The following ASTN2 variants were observed in gnomAD, a reference collection of about 807,000 sequenced individuals.
ASTN2 encodes astrotactin-2.
A neutral mutation model predicts 139.8 loss-of-function variants in ASTN2; 54 were observed. The observed-to-expected ratio is 0.39, with a 90% CI of 0.31 to 0.48. ASTN2 has a LOEUF of 0.48. ASTN2 is among the 20% of genes least tolerant of loss of function. ASTN2 has a pLI of 0.95. For missense variants in ASTN2, 1,565 were observed against 1,725.1 expected (o/e 0.91, Z 1.64); for synonymous variants, 756 against 719.5 (o/e 1.05, Z -0.81).
chr9:117,064,828 A>G (rs944817357), intron 5 of ASTN2, among the ~76,000 whole-genome samples: 1 of 151,534 alleles, frequency 6.6e-6, no homozygotes, highest in South Asian at 2.1e-4. Flanking sequence ...TTTTTGAGCT[A>G]CTCTCAAGCA....
At chr9:116,608,623 A>G (rs1855343969) in intron 19 of ASTN2, among the ~76,000 whole-genome samples, 1 of 152,214 alleles carries the variant, frequency 6.6e-6, no homozygotes, top group Admixed American at 6.5e-5. Context: ...TGAACAAAAG[A>G]GTTTGAACAA....
At chr9:117,300,633 T>C (rs1417476187) in intron 1 of ASTN2, among the ~76,000 whole-genome samples, 1 of 152,196 alleles carries the variant, frequency 6.6e-6, no homozygotes, top group Non-Finnish European at 1.5e-5. Context: ...GTCTATAATC[T>C]GGACATTTCA....
intron 1 of ASTN2, among the ~76,000 whole-genome samples, chr9:117,365,900 C>G (rs1166747337): frequency 2.0e-5 from 3 of 152,176 alleles, no homozygotes; most frequent in African/African-American, 7.2e-5. Flanking sequence ...AGGTGATGCT[C>G]TATGAGCTCC....
chr9:116,907,304 A>T (rs1834188499), intron 10 of ASTN2, among the ~76,000 whole-genome samples: 1 of 152,222 alleles, frequency 6.6e-6, no homozygotes, highest in Non-Finnish European at 1.5e-5. Flanking sequence ...ACTGCAGCTT[A>T]GAAGCCTGTG....
rs772499854 is a variant in ASTN2 at position 117,226,550 on chromosome 9, G to T, written c.631-11808C>A. Among the ~76,000 whole-genome samples, 62 of 152,280 alleles carry T rather than the reference G, an allele frequency of 4.1e-4. 1 individual carries two copies. The highest frequency in any genetic ancestry group is 6.9e-4 in the Non-Finnish European group (47 of 68,012). Reference sequence around the variant, plus strand: ...AGTCCTTACCTTACCCCCTTATAAAGTAAAAGAAGTTTGCAGAAAGCTCAC... The same window carrying T: ...AGTCCTTACCTTACCCCCTTATAAATTAAAAGAAGTTTGCAGAAAGCTCAC... On this transcript the variant is annotated intron_variant, in intron 2 of 22. Transcript: ENST00000313400.
intron 13 of ASTN2, among the ~76,000 whole-genome samples, chr9:116,750,615 C>T (rs1829373100): frequency 6.6e-6 from 1 of 151,986 alleles, no homozygotes; most frequent in Non-Finnish European, 1.5e-5. Flanking sequence ...AAGAAAACAC[C>T]CAAAGGCAGT....
At chr9:117,130,963 G>A (rs939693206) in intron 4 of ASTN2, among the ~76,000 whole-genome samples, 38 of 152,230 alleles carry the variant, frequency 2.5e-4, no homozygotes, top group African/African-American at 9.2e-4. Flanking sequence ...TCCTCACTAT[G>A]TTTAATCATG....
At chr9:116,871,681 T>C (rs1296951286) in intron 10 of ASTN2, among the ~76,000 whole-genome samples, 2 of 152,272 alleles carry the variant, frequency 1.3e-5, no homozygotes, top group African/African-American at 2.4e-5. Flanking sequence ...TTCCATTATA[T>C]AGATATTCCA....
At chr9:116,935,139 C>T (rs938440335) in intron 10 of ASTN2, among the ~76,000 whole-genome samples, 1 of 152,160 alleles carries the variant, frequency 6.6e-6, no homozygotes, top group African/African-American at 2.4e-5. Flanking sequence ...CATGTCTGTG[C>T]TGGTTGAACA....
chr9:117,110,003 A>T (rs1469050054), intron 4 of ASTN2, among the ~76,000 whole-genome samples: 1 of 152,172 alleles, frequency 6.6e-6, no homozygotes, highest in African/African-American at 2.4e-5. Flanking sequence ...TCTCTGAAAT[A>T]CGCCTATTTC....
At chr9:116,854,215 C>T (rs899013773) in intron 11 of ASTN2, among the ~76,000 whole-genome samples, 1 of 152,130 alleles carries the variant, frequency 6.6e-6, no homozygotes, top group Non-Finnish European at 1.5e-5. Context: ...ACAATTTTAG[C>T]TCTCATCATT....
intron 2 of ASTN2, among the ~76,000 whole-genome samples, chr9:117,223,655 A>G (rs2133041755): frequency 6.6e-6 from 1 of 152,326 alleles, no homozygotes; most frequent in Middle Eastern, 3.4e-3. Context: ...GAAGAGATAC[A>G]TTTACATGTG....
intron 2 of ASTN2, among the ~76,000 whole-genome samples, chr9:117,235,485 A>G (rs969315244): frequency 1.3e-5 from 2 of 152,218 alleles, no homozygotes; most frequent in East Asian, 3.8e-4. Flanking sequence ...TAAGACTCAG[A>G]AAATCATCCT....
intron 3 of ASTN2, among the ~76,000 whole-genome samples, chr9:117,206,366 C>T (rs553675292): frequency 2.0e-5 from 3 of 152,266 alleles, no homozygotes; most frequent in Admixed American, 2.0e-4. Context: ...ACCTACAGTC[C>T]CTACTACAGG....
intron 2 of ASTN2, among the ~76,000 whole-genome samples, chr9:117,252,553 A>G (rs1293694265): frequency 6.6e-6 from 1 of 152,178 alleles, no homozygotes; most frequent in Non-Finnish European, 1.5e-5. Flanking sequence ...GTGTCTCCCA[A>G]CTATGTTCTT....
intron 5 of ASTN2, among the ~76,000 whole-genome samples, chr9:117,067,658 T>A (rs62564938): frequency 0.24 from 33,253 of 138,474 alleles, 5,738 homozygotes; most frequent in Middle Eastern, 0.39. Flanking sequence ...GTTCTTCCAT[T>A]TGTTTGTATC....
intron 5 of ASTN2, among the ~76,000 whole-genome samples, chr9:117,056,945 C>T (rs1587911968): frequency 6.6e-6 from 1 of 152,264 alleles, no homozygotes; most frequent in East Asian, 1.9e-4. Context: ...CTCATATCCC[C>T]ATATGTAAAA....
chr9:116,946,667 C>T (rs527964805), intron 10 of ASTN2, among the ~76,000 whole-genome samples: 24 of 152,032 alleles, frequency 1.6e-4, no homozygotes, highest in African/African-American at 3.4e-4. Context: ...CTGTCTACTC[C>T]GGGAGTGTTT....
chr9:117,403,940 G>A (rs1830910821), intron 1 of ASTN2, among the ~76,000 whole-genome samples: 1 of 152,092 alleles, frequency 6.6e-6, no homozygotes, highest in East Asian at 1.9e-4. Flanking sequence ...GTGGAGAGAG[G>A]AGGCATAAGA....
Sources: gnomAD v4.1 joint callset for allele counts (sites outside exome capture counted in the v4.1 genomes callset) on GRCh38, gnomAD v4.1.1 for gene constraint, MANE v1.5 for transcripts, NCBI Gene and HGNC (gene_info 2026-07-23, HGNC 2026-07-21) for gene names.